The following PPP1R9A variants were observed in gnomAD, a reference collection of about 807,000 sequenced individuals.
PPP1R9A encodes the protein neurabin-1.
PPP1R9A carries 59 observed loss-of-function variants against 141.9 expected under a neutral mutation model. The ratio of observed to expected loss-of-function variants is 0.42; its 90% CI spans 0.34 to 0.52. PPP1R9A has a LOEUF of 0.52. Among genes scored for constraint, PPP1R9A ranks in the 20% least tolerant of loss-of-function variants. The pLI is 0.10. For synonymous variants in PPP1R9A, 500 were observed against 569.7 expected (o/e 0.88, Z 1.74); for missense variants, 1,444 against 1,611.9 (o/e 0.90, Z 1.78).
intron 2 of PPP1R9A, among the ~76,000 whole-genome samples, chr7:94,944,134 CT>C (rs1299904769): frequency 6.6e-6 from 1 of 152,072 alleles, no homozygotes; most frequent in Non-Finnish European, 1.5e-5. Context: ...TCACGTTATA[CT>C]TTCATCTTTC....
chr7:95,217,594 T>C (rs1793672520), intron 7 of PPP1R9A, among the ~76,000 whole-genome samples: 1 of 152,222 alleles, frequency 6.6e-6, no homozygotes, highest in African/African-American at 2.4e-5. Flanking sequence ...TGAATCCGTC[T>C]GGTCCTGGAC....
intron 13 of PPP1R9A, among the ~76,000 whole-genome samples, 197 bp downstream of exon 13, chr7:95,268,904 T>A (rs191991517): frequency 6.6e-6 from 1 of 152,220 alleles, no homozygotes; most frequent in Non-Finnish European, 1.5e-5. Flanking sequence ...TTCAGTGAAC[T>A]AACCAAGAGC....
intron 7 of PPP1R9A, among the ~76,000 whole-genome samples, chr7:95,214,906 T>C (rs1792971339): frequency 1.3e-5 from 2 of 152,042 alleles, no homozygotes; most frequent in African/African-American, 2.4e-5. Context: ...TAGAGAAGGA[T>C]TTTAGATGTT....
chr7:95,120,908 T>C, intron 4 of PPP1R9A, 76 bp downstream of exon 4: 7 of 1,468,060 alleles, frequency 4.8e-6, no homozygotes, highest in Non-Finnish European at 6.4e-6. Flanking sequence ...TTGTAGCTTT[T>C]TGCTTTTGTT....
chr7:95,246,312 C>T (rs897633598), intron 8 of PPP1R9A, among the ~76,000 whole-genome samples: 29 of 152,168 alleles, frequency 1.9e-4, no homozygotes, highest in Admixed American at 1.8e-3. Context: ...TTCTGTCAGA[C>T]TCACTCACTT....
intron 2 of PPP1R9A, among the ~76,000 whole-genome samples, chr7:95,037,643 A>G (rs1043332625): frequency 6.6e-6 from 1 of 152,122 alleles, no homozygotes; most frequent in Non-Finnish European, 1.5e-5. Context: ...CTATTCATAC[A>G]TTTTCTTTCC....
At chr7:95,113,958 C>T (rs1297171124) in intron 3 of PPP1R9A, among the ~76,000 whole-genome samples, 1 of 152,158 alleles carries the variant, frequency 6.6e-6, no homozygotes, top group Non-Finnish European at 1.5e-5. Context: ...TGTTAAAAGA[C>T]ACTTTCATTT....
chr7:95,236,731 T>C (rs779171626), intron 8 of PPP1R9A, among the ~76,000 whole-genome samples: 27 of 151,808 alleles, frequency 1.8e-4, no homozygotes, highest in Non-Finnish European at 2.9e-4. Context: ...TCTTTTTTCT[T>C]TCTTCTTTTT....
chr7:94,965,019 A>G (rs768500753), intron 2 of PPP1R9A, among the ~76,000 whole-genome samples: 14 of 152,186 alleles, frequency 9.2e-5, no homozygotes, highest in Non-Finnish European at 1.9e-4. Context: ...TTGCCATTCT[A>G]ACTAGCATGA....
rs564802346 is a variant in PPP1R9A, at chr7:94,997,340, A to G, written c.1395+85832A>G. Among the ~76,000 whole-genome samples, 6 of 151,816 alleles carry G rather than the reference A, an allele frequency of 4.0e-5. 1 individual carries two copies. The South Asian group carries it at 1.2e-3, about 32-fold the overall frequency. On this transcript the variant is annotated intron_variant, in intron 2 of 19. Transcript: ENST00000433360. ...ATTCATATCTGAAATTTTTTATTGGATGTTGGATATTATGACTATTATACT... is the reference window on the plus strand; with the variant it reads ...ATTCATATCTGAAATTTTTTATTGGGTGTTGGATATTATGACTATTATACT...
chr7:95,203,029 TAAG>T (rs997122010), intron 6 of PPP1R9A, among the ~76,000 whole-genome samples: 2 of 152,122 alleles, frequency 1.3e-5, no homozygotes, highest in African/African-American at 4.8e-5. Context: ...CAGTAGTTCA[TAAG>T]AAGGTTAATC....
intron 2 of PPP1R9A, among the ~76,000 whole-genome samples, chr7:95,008,848 A>AC (rs1022768689): frequency 5.9e-5 from 9 of 152,160 alleles, no homozygotes; most frequent in African/African-American, 1.9e-4. Flanking sequence ...AGACACATGC[A>AC]CACGTATGTT....
chr7:94,911,697 A>T (rs1791466971), intron 2 of PPP1R9A, among the ~76,000 whole-genome samples, 189 bp downstream of exon 2: 1 of 152,152 alleles, frequency 6.6e-6, no homozygotes, highest in Non-Finnish European at 1.5e-5. Context: ...TACATTTCTT[A>T]AATGTGCTTT....
chr7:95,115,700 C>T (rs372721205), intron 3 of PPP1R9A, among the ~76,000 whole-genome samples: 2 of 151,944 alleles, frequency 1.3e-5, no homozygotes, highest in East Asian at 3.9e-4. Flanking sequence ...GGGCGGATCA[C>T]GAAATCAGGA....
rs757445361 is a variant in PPP1R9A, at chr7:95,269,371, A to C, written c.2988A>C (p.Pro996=). Residue 996 remains proline (P), a synonymous_variant, in exon 14 of 20, where the codon CCA becomes CCC. Transcript: ENST00000433360. ...ACATAGCTGAATTTCAAGAAGAACCACTGGACCCAGAAATGGGGCCTCTCT... is the reference window on the plus strand; with the variant it reads ...ACATAGCTGAATTTCAAGAAGAACCCCTGGACCCAGAAATGGGGCCTCTCT... ...SDHIAEFQEE[P]LDPEMGPLSS... is the part of the protein sequence containing the mutation. The C allele has an allele frequency of 5.0e-6, 8 of 1,598,384 alleles. No individual in the cohort carries two copies. The East Asian group carries it at 1.3e-4, about 27-fold the overall frequency.
chr7:95,068,770 A>G (rs999491651), intron 2 of PPP1R9A, among the ~76,000 whole-genome samples: 1 of 152,136 alleles, frequency 6.6e-6, no homozygotes, highest in Non-Finnish European at 1.5e-5. Context: ...ATGTTGGTCT[A>G]CACACTTGAG....
intron 2 of PPP1R9A, among the ~76,000 whole-genome samples, chr7:94,960,308 AGT>A (rs1797494591): frequency 6.6e-6 from 1 of 151,550 alleles, no homozygotes; most frequent in Admixed American, 6.6e-5. Context: ...ACTGATCCTA[AGT>A]AAAACTGATC....
At chr7:95,185,947 C>T (rs1386459226) in intron 5 of PPP1R9A, among the ~76,000 whole-genome samples, 5 of 152,058 alleles carry the variant, frequency 3.3e-5, no homozygotes, top group African/African-American at 1.2e-4. Flanking sequence ...AATTTGAAGT[C>T]AGGTAATGTG....
At chr7:94,971,052 A>G (rs538722898) in intron 2 of PPP1R9A, among the ~76,000 whole-genome samples, 1 of 152,192 alleles carries the variant, frequency 6.6e-6, no homozygotes. Context: ...GAACTTGGGG[A>G]TAGTCTGTCT....
Sources: allele counts gnomAD v4.1 joint callset (sites outside exome capture counted in the v4.1 genomes callset), GRCh38; gene constraint gnomAD v4.1.1; transcripts MANE v1.5; gene names NCBI Gene and HGNC (gene_info 2026-07-23, HGNC 2026-07-21).